SEC14L3: variants seen among roughly 807,000 people sequenced by gnomAD.
The protein encoded by SEC14L3 is SEC14-like protein 3.
SEC14L3 carries 56 observed loss-of-function variants against 57.4 expected under a neutral mutation model. That is an observed-to-expected ratio of 0.97 (90% CI 0.79 to 1.22). The LOEUF (loss-of-function observed/expected upper bound fraction) is 1.22. SEC14L3 is among the 50% of genes most tolerant of loss of function. The pLI, the probability that SEC14L3 is intolerant of heterozygous loss-of-function variation, is 0.00. For synonymous variants in SEC14L3, 173 were observed against 194.4 expected, an observed-to-expected ratio of 0.89 and a Z score of 0.92; for missense variants, 485 against 511.7, an observed-to-expected ratio of 0.95 and a Z score of 0.50.
downstream of SEC14L3, among the ~76,000 whole-genome samples, chr22:30,456,562 G>T (rs148430382): frequency 2.6e-5 from 4 of 152,124 alleles, no homozygotes; most frequent in East Asian, 7.7e-4. Flanking sequence ...AGCAATTGTA[G>T]AATAAGAACT....
intron 4 of SEC14L3, 42 bp from the exon 5 acceptor site, chr22:30,468,738 C>T (rs1935508570): frequency 3.1e-6 from 5 of 1,613,964 alleles, no homozygotes; most frequent in Non-Finnish European, 4.2e-6. Context: ...TTACACACCT[C>T]CCTTGAGACC....
intron 12 of SEC14L3, among the ~76,000 whole-genome samples, chr22:30,450,820 G>T (rs1206333108): frequency 1.3e-5 from 2 of 152,216 alleles, no homozygotes; most frequent in Admixed American, 6.5e-5. Flanking sequence ...CATCCACACG[G>T]TGGGGAATCC....
chr22:30,460,085 G>T lies in SEC14L3; in HGVS notation c.1139C>A (p.Thr380Lys). The T allele has an allele frequency of 6.2e-7, 1 of 1,614,196 alleles. No individual in the cohort carries two copies. ...SFVHAKKVSF[T>K]VEVLLPDEGM... The stretch of plus-strand genomic sequence containing the variant: ...CTCGTCAGGGAGCAGGACCTCCACT[G>T]TGAAGCTGACCTTCTTGGCGTGGAC... Residue 380 changes from threonine to lysine, a missense_variant, in exon 12 of 12, where the codon ACA (threonine) becomes AAA (lysine). Thr to Lys is a moderately conservative substitution (Grantham distance 78). Coordinates refer to ENST00000215812, the MANE Select transcript of SEC14L3 (RefSeq NM_174975.5).
chr22:30,456,387 C>T (rs74357625), downstream of SEC14L3, among the ~76,000 whole-genome samples: 2,403 of 151,414 alleles, frequency 0.016, 81 homozygotes, highest in African/African-American at 0.056. Context: ...GTTTACTTGG[C>T]TCATTGTTCT....
At position 30,464,831 on chromosome 22, in the gene SEC14L3, A is replaced by G. The variant is rs1259655627; in HGVS notation, c.653T>C (p.Ile218Thr). The G allele has an allele frequency of 2.5e-6, 4 of 1,613,992 alleles. No homozygotes were observed. The highest frequency in any genetic ancestry group is 3.4e-6 in the Non-Finnish European group (4 of 1,179,984). The change falls in exon 8 of 12, where the codon ATT becomes ACT. Residue 218 changes from isoleucine (I) to threonine (T), a missense_variant. Ile to Thr is a moderately conservative substitution (Grantham distance 89). Coordinates refer to ENST00000215812, the MANE Select transcript of SEC14L3 (RefSeq NM_174975.5). ...FLSEDTRRKIIVLGNNWKEGL... is the reference protein window; with the variant it reads ...FLSEDTRRKITVLGNNWKEGL... ...CTGGCACTACTTACTTCCCAACACA[A>G]TAATTTTCCTGCGAGTGTCCTCACT...
chr22:30,458,519 G>A (rs1935158362), downstream of SEC14L3, among the ~76,000 whole-genome samples: 2 of 152,158 alleles, frequency 1.3e-5, no homozygotes, highest in Admixed American at 1.3e-4. Flanking sequence ...CACTGCCTTT[G>A]TAAAAGTGGA....
chr22:30,463,123 G>A (rs968395367), intron 8 of SEC14L3, among the ~76,000 whole-genome samples: 4 of 152,224 alleles, frequency 2.6e-5, no homozygotes, highest in East Asian at 1.9e-4. Context: ...GCTCAATGAC[G>A]TCAACGGCCT....
chr22:30,452,347 C>T (rs1935004637), intron 12 of SEC14L3, among the ~76,000 whole-genome samples: 1 of 148,538 alleles, frequency 6.7e-6, no homozygotes, highest in African/African-American at 2.5e-5. Flanking sequence ...CTCCCGGGTT[C>T]GATTCTCCTG....
At chr22:30,451,129 C>T (rs1474181944) in intron 12 of SEC14L3, among the ~76,000 whole-genome samples, 1 of 152,152 alleles carries the variant, frequency 6.6e-6, no homozygotes, top group African/African-American at 2.4e-5. Flanking sequence ...CACCAAGGTA[C>T]AGTGGGGGCA....
intron 4 of SEC14L3, among the ~76,000 whole-genome samples, chr22:30,469,209 G>T (rs573159957): frequency 2.7e-4 from 41 of 152,098 alleles, no homozygotes; most frequent in African/African-American, 9.2e-4. Context: ...GACTTGGGAG[G>T]CTGAGGTGGG....
chr22:30,468,293 A>G (rs10427842), intron 5 of SEC14L3, among the ~76,000 whole-genome samples: 10,088 of 149,480 alleles, frequency 0.067, 468 homozygotes, highest in South Asian at 0.084. Context: ...AAAAAAAAAA[A>G]GAGGGTTCTA....
At chr22:30,454,827 TAA>T (rs1935066873), downstream of SEC14L3, among the ~76,000 whole-genome samples, 2 of 33,708 alleles carry the variant, frequency 5.9e-5, no homozygotes, top group African/African-American at 2.5e-4. Flanking sequence ...TATTATAATA[TAA>T]TATATAATAA....
At position 30,459,367 on chromosome 22, in the gene SEC14L3, A is replaced by C. The variant is rs78094027; in HGVS notation, c.*654T>G. The C allele has an allele frequency of 4.7e-3, 4,590 of 985,436 alleles. 161 individuals are homozygous for C. In the African/African-American group the frequency reaches 0.071, roughly 15 times the overall value. 61.0% of individuals were successfully genotyped at this position (985,436 alleles called of 1,614,324 possible). On this transcript the variant is annotated 3_prime_UTR_variant, in exon 12 of 12. Transcript: ENST00000215812. ...GAGCGTGCAAGTCAGACAAAGCCTG[A>C]TGTAGGCAGCTCCTATCAGAGGCAT...
Position 30,459,409 on chromosome 22 carries a change from G to T in SEC14L3, c.*612C>A. 1.0e-6 allele frequency: 1 copy of T among 985,386 alleles called. No individual in the cohort carries two copies. The highest frequency in any genetic ancestry group is 1.2e-6 in the Non-Finnish European group (1 of 829,958). 61.0% of individuals were successfully genotyped at this position (985,386 alleles called of 1,614,324 possible). A position where few individuals can be genotyped will look rare whatever the true frequency, so the allele number is the denominator to read the frequency against. On this transcript the variant is annotated 3_prime_UTR_variant, in exon 12 of 12. Transcript: ENST00000215812. The stretch of plus-strand genomic sequence containing the variant: ...CAGAGGCATGTGGCCTTTGTGGCTG[G>T]GGCCCTCAAAAGACAGCCACTGCCA...
chr22:30,448,936 G>T, exon 13 of SEC14L3: 1 of 662,930 alleles, frequency 1.5e-6, no homozygotes, highest in Non-Finnish European at 2.5e-6. Flanking sequence ...TCCCTTCCTT[G>T]GTCTGCCCTA....
chr22:30,460,295 A>G, intron 11 of SEC14L3, 153 bp from the exon 12 acceptor site: 1 of 985,288 alleles, frequency 1.0e-6, no homozygotes, highest in South Asian at 4.7e-5. Context: ...TCCCCATGGG[A>G]ACTGCCAACC....
chr22:30,466,477 G>C, intron 6 of SEC14L3, 83 bp from the exon 7 acceptor site: 4 of 1,597,896 alleles, frequency 2.5e-6, no homozygotes, highest in Non-Finnish European at 2.6e-6. Context: ...CTGTTGGGAG[G>C]TTTCAGATGG....
chr22:30,467,636 G>T (rs1935463843), intron 5 of SEC14L3, among the ~76,000 whole-genome samples: 1 of 152,170 alleles, frequency 6.6e-6, no homozygotes, highest in African/African-American at 2.4e-5. Flanking sequence ...CCAGGCGGGG[G>T]ACTCAGAGAA....
exon 13 of SEC14L3, chr22:30,448,027 A>T (rs1239106236): frequency 6.6e-6 from 1 of 150,826 alleles, no homozygotes; most frequent in Non-Finnish European, 1.5e-5. Flanking sequence ...TTCTGGGCAT[A>T]GGACTCCCTT....
Sources: allele counts gnomAD v4.1 joint callset (sites outside exome capture counted in the v4.1 genomes callset), GRCh38; gene constraint gnomAD v4.1.1; transcripts MANE v1.5; gene names NCBI Gene and HGNC (gene_info 2026-07-23, HGNC 2026-07-21).